The following SYNE1 variants were observed in gnomAD, a reference collection of about 807,000 sequenced individuals.
SYNE1 encodes spectrin repeat containing nuclear envelope protein 1.
SYNE1 carries 616 observed loss-of-function variants against 1,111.0 expected under a neutral mutation model. The observed-to-expected ratio is 0.55, with a 90% CI of 0.52 to 0.59. The LOEUF (loss-of-function observed/expected upper bound fraction) is 0.59. SYNE1 is among the 20% of genes least tolerant of loss of function. SYNE1 has a pLI of 0.00. For missense variants in SYNE1, 10,006 were observed against 10,417.0 expected (o/e 0.96, Z 1.72); for synonymous variants, 3,855 against 3,825.8 (o/e 1.01, Z -0.28).
chr6:152,341,110 G>A (rs1351753024), intron 74 of SYNE1, among the ~76,000 whole-genome samples: 1 of 152,110 alleles, frequency 6.6e-6, no homozygotes, highest in Non-Finnish European at 1.5e-5. Flanking sequence ...TGTTCCTGTG[G>A]ATATAATAAA....
At chr6:152,183,172 G>T (rs895650918) in intron 128 of SYNE1, among the ~76,000 whole-genome samples, 3 of 152,158 alleles carry the variant, frequency 2.0e-5, no homozygotes, top group African/African-American at 7.2e-5. Flanking sequence ...TGATCTCTCA[G>T]ATTGAGAACT....
chr6:152,490,904 C>G (rs2098966901), intron 11 of SYNE1, among the ~76,000 whole-genome samples: 1 of 152,216 alleles, frequency 6.6e-6, no homozygotes, highest in African/African-American at 2.4e-5. Context: ...TTTTCACTCT[C>G]TTCTCCAGCT....
In SYNE1 at chr6:152,353,281, C is replaced by A. The variant is rs776900118; in HGVS notation, c.11235G>T (p.Lys3745Asn). The A allele has an allele frequency of 4.3e-6, 7 of 1,614,194 alleles. No individual in the cohort carries two copies. In the South Asian group the frequency reaches 7.7e-5, roughly 18 times the overall value. The stretch of plus-strand genomic sequence containing the variant: ...TGCCTACCTCCAACGTCTTCAATTT[C>A]TTCCCCATCATTACTGTATCTACTT... ...IDKVDTVMMG[K>N]KLKTLEVLLK... Residue 3745 changes from lysine to asparagine, a missense_variant, in exon 69 of 146, where the codon AAG (lysine) becomes AAT (asparagine). Lys to Asn is a moderately conservative substitution (Grantham distance 94). This residue lies in a region of SYNE1 where 4,955 missense variants were observed against 5,017.2 expected (regional missense o/e 0.99). Coordinates refer to ENST00000367255, the MANE Select transcript of SYNE1 (RefSeq NM_182961.4).
At chr6:152,372,820 GACCCTA>G (rs1171193852) in intron 59 of SYNE1, among the ~76,000 whole-genome samples, 1 of 152,180 alleles carries the variant, frequency 6.6e-6, no homozygotes, top group Non-Finnish European at 1.5e-5. Flanking sequence ...AGTGACAATA[GACCCTA>G]ACATGCAGGA....
At chr6:152,362,722 A>G (rs1015539383) in intron 63 of SYNE1, among the ~76,000 whole-genome samples, 3 of 152,226 alleles carry the variant, frequency 2.0e-5, no homozygotes, top group Non-Finnish European at 4.4e-5. Context: ...CATTGAGAGC[A>G]GGAGAGAAAA....
intron 122 of SYNE1, among the ~76,000 whole-genome samples, chr6:152,214,213 A>T (rs893124589): frequency 1.3e-5 from 2 of 151,874 alleles, no homozygotes; most frequent in African/African-American, 2.4e-5. Context: ...AAAAAAAAGA[A>T]GAAAGAAAGT....
intron 51 of SYNE1, among the ~76,000 whole-genome samples, chr6:152,392,373 G>T (rs1158390158): frequency 6.6e-6 from 1 of 152,082 alleles, no homozygotes; most frequent in East Asian, 1.9e-4. Context: ...TTAGATCAAG[G>T]GGAAAACGTA....
intron 95 of SYNE1, among the ~76,000 whole-genome samples, chr6:152,286,961 G>C (rs977249557): frequency 6.6e-6 from 1 of 152,200 alleles, no homozygotes; most frequent in African/African-American, 2.4e-5. Flanking sequence ...GCTACTCAAA[G>C]CGTGGTCCAC....
chr6:152,363,220 C>A (rs62426385), intron 63 of SYNE1, among the ~76,000 whole-genome samples: 166 of 145,062 alleles, frequency 1.1e-3, no homozygotes, highest in Admixed American at 3.8e-3. Context: ...TCAGGCCGGG[C>A]GCGGTGACTC....
chr6:152,409,129 T>C lies in SYNE1; in HGVS notation c.6479A>G (p.His2160Arg), dbSNP rs2097960562. 2 of 1,614,070 alleles carry C rather than the reference T, an allele frequency of 1.2e-6. No individual in the cohort carries two copies. The change falls in exon 44 of 146, where the codon CAC becomes CGC. Residue 2160 changes from histidine to arginine, a missense_variant. Physicochemically the swap from His to Arg is conservative, Grantham distance 29 (BLOSUM62 0). Transcript: ENST00000367255. ...TTTCACCAAGCTGAAATCACTACTG[T>C]GAATTTTCTTCAGCTCAGATAACAA... Reference protein sequence around the residue: ...KHLLSELKKIHSSDFSLVKTD... With the variant: ...KHLLSELKKIRSSDFSLVKTD...
At chr6:152,395,452 C>A in intron 51 of SYNE1, 64 bp downstream of exon 51, 5 of 1,558,528 alleles carry the variant, frequency 3.2e-6, no homozygotes, top group Non-Finnish European at 4.3e-6. Context: ...CCAAACCAAC[C>A]AACCAACCAA....
At chr6:152,452,776 G>T (rs372502288) in intron 25 of SYNE1, among the ~76,000 whole-genome samples, 2 of 152,160 alleles carry the variant, frequency 1.3e-5, no homozygotes, top group African/African-American at 4.8e-5. Flanking sequence ...AGCCTCCATG[G>T]GACAGACTCA....
chr6:152,421,449 T>C (rs1054406157), intron 39 of SYNE1, among the ~76,000 whole-genome samples: 1 of 152,114 alleles, frequency 6.6e-6, no homozygotes, highest in Non-Finnish European at 1.5e-5. Flanking sequence ...ATCTTGCAAA[T>C]AAGTTGATCC....
intron 117 of SYNE1, among the ~76,000 whole-genome samples, chr6:152,224,273 G>A (rs1196397154): frequency 3.9e-5 from 6 of 152,082 alleles, no homozygotes; most frequent in Admixed American, 3.9e-4. Context: ...ACAGGATCTT[G>A]GAAACCATTT....
In SYNE1 at chr6:152,390,268, T is replaced by G. The variant is rs1317575178; in HGVS notation, c.8177+12A>C. 1 of 1,613,854 alleles carries G rather than the reference T, an allele frequency of 6.2e-7. No homozygotes were observed. The highest frequency in any genetic ancestry group is 1.7e-5 in the Admixed American group (1 of 60,010). On this transcript the variant is annotated intron_variant, in intron 53 of 145. Coordinates refer to ENST00000367255, the MANE Select transcript of SYNE1 (RefSeq NM_182961.4). ...ATTGGACTTAAACAAACTCTAAAAA[T>G]AGGTTCTGTACCTTTGAGCGTGGAC...
intron 4 of SYNE1, among the ~76,000 whole-genome samples, chr6:152,539,131 T>C (rs537120141): frequency 1.7e-4 from 26 of 152,328 alleles, no homozygotes; most frequent in African/African-American, 5.8e-4. Context: ...AATAAAAAAT[T>C]TGAAGATAAA....
chr6:152,460,656 A>C (rs2098726453), intron 21 of SYNE1, among the ~76,000 whole-genome samples: 1 of 152,076 alleles, frequency 6.6e-6, no homozygotes, highest in African/African-American at 2.4e-5. Context: ...CATCTTCCTA[A>C]AATTCATATT....
chr6:152,125,047 C>T (rs1004855588), intron 145 of SYNE1, among the ~76,000 whole-genome samples: 1 of 152,204 alleles, frequency 6.6e-6, no homozygotes, highest in African/African-American at 2.4e-5. Context: ...CTCACACAGC[C>T]AGTGGCAGAA....
intron 16 of SYNE1, 132 bp from the exon 17 acceptor site, chr6:152,466,210 A>C (rs1441782486): frequency 3.1e-6 from 2 of 642,724 alleles, no homozygotes; most frequent in African/African-American, 3.6e-5. Context: ...GAAAACATAA[A>C]ATTAATTCCA....
Sources: gnomAD v4.1 joint callset for allele counts (sites outside exome capture counted in the v4.1 genomes callset) on GRCh38, gnomAD v4.1.1 for gene constraint, gnomAD v4.1.1 regional missense constraint, MANE v1.5 for transcripts, NCBI Gene and HGNC (gene_info 2026-07-23, HGNC 2026-07-21) for gene names.